The following ARHGAP10 variants were observed in gnomAD, a reference collection of about 807,000 sequenced individuals.
The protein encoded by ARHGAP10 is rho GTPase-activating protein 10.
Under a neutral mutation model 108.6 loss-of-function variants are expected in ARHGAP10, and 87 were observed. The ratio of observed to expected loss-of-function variants is 0.80; its 90% CI spans 0.67 to 0.96. The LOEUF (loss-of-function observed/expected upper bound fraction) is 0.96. Among genes scored for constraint, ARHGAP10 ranks in the 40% least tolerant of loss-of-function variants. The probability of loss-of-function intolerance (pLI) is 0.00; values close to 1 mark genes in which losing one functional copy is unlikely to be tolerated. For synonymous variants in ARHGAP10, 347 were observed against 341.1 expected (o/e 1.02, Z -0.19); for missense variants, 939 against 954.5 (o/e 0.98, Z 0.21).
intron 22 of ARHGAP10, among the ~76,000 whole-genome samples, chr4:148,068,775 C>T (rs752320869): frequency 1.7e-4 from 26 of 152,134 alleles, no homozygotes; most frequent in Admixed American, 1.2e-3. Context: ...TCCTGGCACT[C>T]ACCGTGTGAT....
chr4:147,965,381 T>C (rs533186764), intron 17 of ARHGAP10, among the ~76,000 whole-genome samples: 43 of 152,364 alleles, frequency 2.8e-4, no homozygotes, highest in Admixed American at 5.2e-4. Flanking sequence ...TACATTACCC[T>C]ATACACAGAT....
intron 8 of ARHGAP10, among the ~76,000 whole-genome samples, chr4:147,875,514 C>T (rs1010225845): frequency 6.6e-6 from 1 of 152,198 alleles, no homozygotes; most frequent in Non-Finnish European, 1.5e-5. Flanking sequence ...CCCCTCACCT[C>T]TACCCTCATC....
chr4:147,830,696 T>A (rs1732923938), intron 3 of ARHGAP10, among the ~76,000 whole-genome samples: 1 of 152,068 alleles, frequency 6.6e-6, no homozygotes, highest in Non-Finnish European at 1.5e-5. Flanking sequence ...ATTTTTGTAT[T>A]TTTAGTAGAG....
intron 19 of ARHGAP10, among the ~76,000 whole-genome samples, chr4:148,033,405 A>G (rs1278536938): frequency 6.6e-6 from 1 of 152,222 alleles, no homozygotes; most frequent in Non-Finnish European, 1.5e-5. Flanking sequence ...AAGTTTTAAG[A>G]TGGAATTTTC....
intron 18 of ARHGAP10, among the ~76,000 whole-genome samples, chr4:147,999,261 G>C (rs1271567304): frequency 6.6e-6 from 1 of 152,220 alleles, no homozygotes; most frequent in African/African-American, 2.4e-5. Context: ...TATCACCTGA[G>C]AGCACAGCAG....
At chr4:148,028,088 A>T (rs1727960690) in intron 19 of ARHGAP10, among the ~76,000 whole-genome samples, 1 of 152,172 alleles carries the variant, frequency 6.6e-6, no homozygotes, top group African/African-American at 2.4e-5. Flanking sequence ...ACGTGGCAGT[A>T]AGTGCCCAGT....
chr4:147,771,860 C>T (rs879833082), intron 1 of ARHGAP10, among the ~76,000 whole-genome samples: 8 of 152,140 alleles, frequency 5.3e-5, no homozygotes, highest in Non-Finnish European at 8.8e-5. Flanking sequence ...GGTGCTATCT[C>T]GGCTCACTGC....
At chr4:147,904,613 T>G (rs1736388640) in intron 10 of ARHGAP10, among the ~76,000 whole-genome samples, 1 of 152,230 alleles carries the variant, frequency 6.6e-6, no homozygotes, top group African/African-American at 2.4e-5. Flanking sequence ...TGCCACCTTT[T>G]CTTAATCCAG....
intron 3 of ARHGAP10, among the ~76,000 whole-genome samples, chr4:147,832,923 C>A (rs147228885): frequency 3.3e-5 from 5 of 152,150 alleles, no homozygotes; most frequent in African/African-American, 1.2e-4. Flanking sequence ...ACAACTGTAG[C>A]TCCTCAGTAT....
At position 148,046,962 on chromosome 4, in the gene ARHGAP10, C is replaced by CGT. The variant is rs1728914705; in HGVS notation, c.1940_1941dup (p.Thr648Ter). The CGT allele has an allele frequency of 6.2e-7, 1 of 1,614,146 alleles. No individual in the cohort carries two copies. The highest frequency in any genetic ancestry group is 8.5e-7 in the Non-Finnish European group (1 of 1,180,014). The stretch of plus-strand genomic sequence containing the variant: ...TGGACTCACTTTCCTCCCCGTCTCC[C>CGT]GTGACTACAGCTGTCCCTGGGCCTC... On this transcript the variant is annotated frameshift_variant, in exon 20 of 23. Coordinates refer to ENST00000336498, the MANE Select transcript of ARHGAP10 (RefSeq NM_024605.4). LOFTEE classifies it high-confidence loss of function.
intron 22 of ARHGAP10, among the ~76,000 whole-genome samples, chr4:148,071,415 A>T (rs191947503): frequency 6.6e-6 from 1 of 152,370 alleles, no homozygotes; most frequent in African/African-American, 2.4e-5. Flanking sequence ...CAGGAGTTTA[A>T]GAGCAGGCTG....
At chr4:147,862,852 A>C (rs977853576) in intron 5 of ARHGAP10, 8 of 152,212 alleles carry the variant, frequency 5.3e-5, no homozygotes, top group Non-Finnish European at 1.0e-4. Context: ...AATAGTCAAC[A>C]AAATTACAGT....
chr4:147,794,376 C>T (rs1285736913), intron 1 of ARHGAP10, among the ~76,000 whole-genome samples: 1 of 152,144 alleles, frequency 6.6e-6, no homozygotes, highest in Non-Finnish European at 1.5e-5. Context: ...CACAACATTC[C>T]TATGAAGAGG....
At chr4:148,067,263 G>A (rs1729928677) in intron 22 of ARHGAP10, among the ~76,000 whole-genome samples, 1 of 152,252 alleles carries the variant, frequency 6.6e-6, no homozygotes, top group African/African-American at 2.4e-5. Context: ...GGTACAGTAA[G>A]TTTAAAGCCC....
At chr4:148,011,909 A>G (rs7666812) in intron 18 of ARHGAP10, among the ~76,000 whole-genome samples, 125 of 152,292 alleles carry the variant, frequency 8.2e-4, no homozygotes, top group African/African-American at 2.9e-3. Context: ...ATTACATAAA[A>G]ATCTATGTGC....
intron 18 of ARHGAP10, among the ~76,000 whole-genome samples, chr4:147,986,151 C>T (rs1378766262): frequency 6.6e-6 from 1 of 152,160 alleles, no homozygotes; most frequent in African/African-American, 2.4e-5. Flanking sequence ...ACTTAAGTGA[C>T]CGGTTTAACC....
chr4:147,932,008 T>G (rs940229345), intron 13 of ARHGAP10, among the ~76,000 whole-genome samples: 1 of 152,098 alleles, frequency 6.6e-6, no homozygotes, highest in South Asian at 2.1e-4. Flanking sequence ...GCAAAGGACA[T>G]GAACAGACAC....
chr4:147,807,771 G>A (rs1053470778), intron 1 of ARHGAP10, among the ~76,000 whole-genome samples: 1 of 152,188 alleles, frequency 6.6e-6, no homozygotes, highest in African/African-American at 2.4e-5. Context: ...TTTGAAAAAA[G>A]TTGAACAAAT....
intron 13 of ARHGAP10, chr4:147,917,402 C>A: frequency 6.6e-6 from 1 of 152,362 alleles, no homozygotes; most frequent in Non-Finnish European, 1.5e-5. Flanking sequence ...TTGTCTCCTC[C>A]ACTAGGGTCG....
Sources: gnomAD v4.1 joint callset for allele counts (sites outside exome capture counted in the v4.1 genomes callset) on GRCh38, gnomAD v4.1.1 for gene constraint, MANE v1.5 for transcripts, NCBI Gene and HGNC (gene_info 2026-07-23, HGNC 2026-07-21) for gene names.